Variants in JAG1 observed in about 807,000 individuals in gnomAD.
JAG1 encodes the protein jagged canonical Notch ligand 1, also known as protein jagged-1.
JAG1 carries 23 observed loss-of-function variants against 148.7 expected under a neutral mutation model. The observed-to-expected ratio is 0.15, with a 90% CI of 0.11 to 0.22. JAG1 has a LOEUF of 0.22. Among genes scored for constraint, JAG1 ranks in the 10% least tolerant of loss-of-function variants. JAG1 has a pLI of 1.00. For synonymous variants in JAG1, 572 were observed against 598.3 expected (o/e 0.96, Z 0.64); for missense variants, 1,054 against 1,611.2 (o/e 0.65, Z 5.92).
chr20:10,661,966 C>T (rs1022907089), intron 3 of JAG1, among the ~76,000 whole-genome samples: 8 of 152,150 alleles, frequency 5.3e-5, no homozygotes, highest in Non-Finnish European at 8.8e-5. Context: ...GTTCAAATAT[C>T]GGTGCCAGAC....
intron 11 of JAG1, 30 bp from the exon 12 acceptor site, chr20:10,648,752 C>T (rs1568796357): frequency 7.5e-6 from 12 of 1,606,416 alleles, no homozygotes; most frequent in Non-Finnish European, 9.4e-6. Flanking sequence ...GAGAGAGACA[C>T]ATGCTTTTTT....
chr20:10,657,782 A>G (rs896225836), intron 4 of JAG1, among the ~76,000 whole-genome samples: 3 of 152,202 alleles, frequency 2.0e-5, no homozygotes. Context: ...ACCAATAGGA[A>G]AGCTTGAGCT....
intron 12 of JAG1, 80 bp downstream of exon 12, chr20:10,648,469 G>T: frequency 8.5e-7 from 1 of 1,182,498 alleles, no homozygotes; most frequent in Non-Finnish European, 1.3e-6. Context: ...CACAAGAGCT[G>T]AGGGAAAAGT....
In JAG1 at chr20:10,639,865, C is replaced by T. The variant is rs1462490364; in HGVS notation, c.3290G>A (p.Arg1097Gln). Reference sequence around the variant, plus strand: ...TGAGTGTGTGTGGCTGCCCGGCTTCCGCCGCTTCCGCAGGCACCAGTAGAA... The same window carrying T: ...TGAGTGTGTGTGGCTGCCCGGCTTCTGCCGCTTCCGCAGGCACCAGTAGAA... ...TAFYWCLRKRRKPGSHTHSAS... is the reference protein window; with the variant it reads ...TAFYWCLRKRQKPGSHTHSAS... Residue 1097 changes from arginine (R) to glutamine (Q), a missense_variant, in exon 26 of 26, where the codon CGG becomes CAG. Physicochemically the swap from Arg to Gln is conservative, Grantham distance 43 (BLOSUM62 1). This residue lies in a region of JAG1 where 177 missense variants were observed against 177.3 expected (regional missense o/e 1.00). Coordinates refer to ENST00000254958, the MANE Select transcript of JAG1 (RefSeq NM_000214.3). 1.4e-5 allele frequency: 22 copies of T among 1,614,004 alleles called. No individual in the cohort carries two copies. Among genetic ancestry groups the T allele is most frequent in the South Asian group, 3.3e-5 (3 of 91,082 alleles).
chr20:10,653,668 T>C (rs1247292168), intron 5 of JAG1, among the ~76,000 whole-genome samples: 1 of 151,954 alleles, frequency 6.6e-6, no homozygotes, highest in Non-Finnish European at 1.5e-5. Context: ...GCCAACCCCC[T>C]AAGCTGCTCA....
Position 10,672,818 on chromosome 20 carries a change from C to T in JAG1, c.270G>A (p.Gly90=), listed in dbSNP as rs114048678. 6 of 1,613,066 alleles carry T rather than the reference C, an allele frequency of 3.7e-6. No homozygotes were observed. The highest frequency in any genetic ancestry group is 4.5e-5 in the East Asian group (2 of 44,864). ...TGGACCCTGAGCCGAAGCTGCAGGGCCCCCCGGCCGTGACGCGGGACTGAT... is the reference window on the plus strand; with the variant it reads ...TGGACCCTGAGCCGAAGCTGCAGGGTCCCCCGGCCGTGACGCGGGACTGAT... The part of the protein sequence containing the change: ...KEYQSRVTAG[G]PCSFGSGSTP... Residue 90 remains glycine (G), a synonymous_variant, in exon 2 of 26, where the codon GGG becomes GGA. Coordinates refer to ENST00000254958, the MANE Select transcript of JAG1 (RefSeq NM_000214.3).
chr20:10,656,662 A>C lies in JAG1; in HGVS notation c.695-204T>G, dbSNP rs184219254. 1.8e-4 allele frequency among the ~76,000 whole-genome samples: 28 copies of C among 152,322 alleles called. No homozygotes were observed. The East Asian group carries it at 4.8e-3, about 26-fold the overall frequency. ...TTCAAGGCCTTGTTAGCAGATTCTG[A>C]AAACATGATATTGTTTGGGGACAAA... On this transcript the variant is annotated intron_variant, in intron 4 of 25. Coordinates refer to ENST00000254958, the MANE Select transcript of JAG1 (RefSeq NM_000214.3).
chr20:10,647,883 A>G (rs771444337), intron 13 of JAG1, 77 bp downstream of exon 13: 8 of 1,473,322 alleles, frequency 5.4e-6, no homozygotes, highest in Non-Finnish European at 7.6e-6. Flanking sequence ...TCTCAAGTGT[A>G]ACAAGGGGCA....
Position 10,673,161 on chromosome 20 carries a change from C to T in JAG1, c.82-155G>A. 1 of 610,068 alleles carries T rather than the reference C, an allele frequency of 1.6e-6. No homozygotes were observed. The highest frequency in any genetic ancestry group is 3.0e-5 in the East Asian group (1 of 33,568). 37.8% of individuals were successfully genotyped at this position (610,068 alleles called of 1,614,324 possible). Reference sequence around the variant, plus strand: ...TACGTTCAAGGACTCAACATGATTCCGGGGCAAAAAAAAAAAAAAATGCAC... The same window carrying T: ...TACGTTCAAGGACTCAACATGATTCTGGGGCAAAAAAAAAAAAAAATGCAC... On this transcript the variant is annotated intron_variant, in intron 1 of 25. Transcript: ENST00000254958. The surrounding 1 kb of genome is among the most constrained non-coding windows in gnomAD (Gnocchi z 4.7).
At position 10,672,928 on chromosome 20, in the gene JAG1, AGTTCCCGTTCTGCAGCTCCCC is replaced by A. The variant is rs754284753; in HGVS notation, c.139_159del (p.Gly47_Asn53del). ...CCCGGGTTCCGGGCGCCGCCGCAGC[AGTTCCCGTTCTGCAGCTCCCC>A]GTTCACGTTCTGCATGGACAGGATC... is the stretch of plus-strand genomic sequence containing the variant. On this transcript the variant is annotated inframe_deletion, in exon 2 of 26. Coordinates refer to ENST00000254958, the MANE Select transcript of JAG1 (RefSeq NM_000214.3). The A allele has an allele frequency of 5.6e-6, 9 of 1,613,184 alleles. No homozygotes were observed. The highest frequency in any genetic ancestry group is 7.6e-6 in the Non-Finnish European group (9 of 1,180,006).
At chr20:10,644,590 G>GTAGGGGA in intron 18 of JAG1, 1 of 660,476 alleles carries the variant, frequency 1.5e-6, no homozygotes, top group South Asian at 1.7e-5. Context: ...AGAGGCCCTG[G>GTAGGGGA]TAGGGGATAG....
At chr20:10,653,771 C>T (rs1024076612) in intron 5 of JAG1, among the ~76,000 whole-genome samples, 3 of 152,110 alleles carry the variant, frequency 2.0e-5, no homozygotes, top group Non-Finnish European at 4.4e-5. Context: ...CTAGCAAATC[C>T]TTGTCATGGG....
chr20:10,642,605 G>C lies in JAG1; in HGVS notation c.2459-4C>G, dbSNP rs1364649684. 2 of 1,567,884 alleles carry C rather than the reference G, an allele frequency of 1.3e-6. No individual in the cohort carries two copies. The highest frequency in any genetic ancestry group is 1.8e-6 in the Non-Finnish European group (2 of 1,137,824). On this transcript the variant is annotated splice_polypyrimidine_tract_variant and splice_region_variant and intron_variant, in intron 20 of 25. Transcript: ENST00000254958. Reference sequence around the variant, plus strand: ...GAAGACTGGCATTCATTGATGTCTAGGAGAAATGGAGTTCAAGTTTAGGGA... The same window carrying C: ...GAAGACTGGCATTCATTGATGTCTACGAGAAATGGAGTTCAAGTTTAGGGA...
At position 10,641,857 on chromosome 20, in the gene JAG1, T is replaced by A. The variant is rs1456253937; in HGVS notation, c.2608A>T (p.Ile870Leu). 1 of 1,613,914 alleles carries A rather than the reference T, an allele frequency of 6.2e-7. No homozygotes were observed. Among genetic ancestry groups the A allele is most frequent in the Non-Finnish European group, 8.5e-7 (1 of 1,179,760 alleles). ...TCATCCCATTTGGCCCCATCTGGTA[T>A]CACACTCCCCATGGTGATGCAAGGT... ...GRPCITMGSV[I>L]PDGAKWDDDC... Residue 870 changes from isoleucine to leucine, a missense_variant, in exon 22 of 26, where the codon ATA becomes TTA. Around this residue, in one of 6 missense-constraint regions of JAG1, gnomAD observed 342 missense variants for 514.6 expected, o/e 0.66. Transcript: ENST00000254958.
intron 8 of JAG1, 200 bp downstream of exon 8, chr20:10,651,381 G>A (rs1392496631): frequency 5.3e-6 from 3 of 568,498 alleles, no homozygotes; most frequent in Non-Finnish European, 9.5e-6. Flanking sequence ...ACAGATACAT[G>A]CGCTACCTTA....
intron 10 of JAG1, 59 bp downstream of exon 10, chr20:10,649,463 G>T: frequency 9.4e-7 from 1 of 1,058,400 alleles, no homozygotes; most frequent in Non-Finnish European, 1.5e-6. Flanking sequence ...CCCCAGTACG[G>T]ACCAGCAAGT....
chr20:10,666,642 T>C (rs989713531), intron 2 of JAG1, among the ~76,000 whole-genome samples: 10 of 152,224 alleles, frequency 6.6e-5, no homozygotes, highest in Non-Finnish European at 1.5e-4. Context: ...AGAACAGTAC[T>C]GTGAAGGCCA....
intron 10 of JAG1, 54 bp from the exon 11 acceptor site, chr20:10,649,161 C>T (rs2067329457): frequency 8.0e-7 from 1 of 1,255,232 alleles, no homozygotes; most frequent in African/African-American, 1.5e-5. Context: ...TGAAATTGGG[C>T]TTAATTGAAA....
chr20:10,671,376 C>T (rs538235137), intron 2 of JAG1, among the ~76,000 whole-genome samples: 51 of 152,316 alleles, frequency 3.3e-4, no homozygotes, highest in African/African-American at 1.2e-3. Context: ...TTTTTATAAA[C>T]CCCTTTTCAT....
Sources: gnomAD v4.1 joint callset for allele counts (sites outside exome capture counted in the v4.1 genomes callset) on GRCh38, gnomAD v4.1.1 for gene constraint, gnomAD v4.1.1 regional missense constraint, Gnocchi (gnomAD v3.1) non-coding constraint, MANE v1.5 for transcripts, NCBI Gene and HGNC (gene_info 2026-07-23, HGNC 2026-07-21) for gene names.